The following PLXNC1 variants were observed in gnomAD, a reference collection of about 807,000 sequenced individuals.
The protein encoded by PLXNC1 is plexin C1.
In PLXNC1, 75 loss-of-function variants were observed where a neutral mutation model predicts 178.2. The observed-to-expected ratio is 0.42, with a 90% CI of 0.35 to 0.51. PLXNC1 has a LOEUF of 0.51. Ranked by LOEUF, PLXNC1 falls within the 20% of genes least tolerant of loss-of-function variation. The pLI, the probability that PLXNC1 is intolerant of heterozygous loss-of-function variation, is 0.02. For missense variants in PLXNC1, 1,503 were observed against 1,984.4 expected (o/e 0.76, Z 4.61); for synonymous variants, 790 against 779.9 (o/e 1.01, Z -0.22).
At chr12:94,226,521 T>A in intron 7 of PLXNC1, 84 bp from the exon 8 acceptor site, 1 of 880,784 alleles carries the variant, frequency 1.1e-6, no homozygotes, top group Non-Finnish European at 1.9e-6. Flanking sequence ...TTTAAATGCT[T>A]GCATGCCACA....
intron 5 of PLXNC1, among the ~76,000 whole-genome samples, chr12:94,219,391 G>T (rs760952544): frequency 5.3e-5 from 8 of 152,202 alleles, no homozygotes; most frequent in Non-Finnish European, 1.2e-4. Flanking sequence ...TCTGGATAAA[G>T]TTGGACCCTT....
At chr12:94,255,129 C>T (rs905907245) in intron 16 of PLXNC1, 64 bp from the exon 17 acceptor site, 9 of 1,266,346 alleles carry the variant, frequency 7.1e-6, no homozygotes, top group Admixed American at 1.7e-5. Flanking sequence ...TTAGACAAAA[C>T]AGCAGAAGAT....
rs766192353 is a variant in PLXNC1 at position 94,240,628 on chromosome 12, A to T, written c.2264A>T (p.His755Leu). Residue 755 changes from histidine to leucine, a missense_variant, in exon 11 of 31, where the codon CAT becomes CTT. This residue lies in a region of PLXNC1 where 639 missense variants were observed against 979.7 expected (regional missense o/e 0.65). Transcript: ENST00000258526. ...TCCTTATCCTACATTGCTCTGCCAC[A>T]TTGTTCCCTTATATTTCCTGCTACC... ...VGSLSYIALP[H>L]CSLIFPATTW... 1 of 1,613,780 alleles carries T rather than the reference A, an allele frequency of 6.2e-7. No homozygotes were observed. Among genetic ancestry groups the T allele is most frequent in the South Asian group, 1.1e-5 (1 of 91,048 alleles).
intron 1 of PLXNC1, among the ~76,000 whole-genome samples, chr12:94,166,167 G>A (rs1452474048): frequency 6.6e-6 from 1 of 152,084 alleles, no homozygotes; most frequent in African/African-American, 2.4e-5. Context: ...ACTGCCATGG[G>A]TGTGGCAGTA....
At chr12:94,237,038 T>C (rs1317250662) in intron 9 of PLXNC1, among the ~76,000 whole-genome samples, 2 of 152,118 alleles carry the variant, frequency 1.3e-5, no homozygotes, top group Admixed American at 1.3e-4. Context: ...CCTGATAAAG[T>C]CTATTGAAAC....
intron 7 of PLXNC1, among the ~76,000 whole-genome samples, chr12:94,224,519 G>T (rs138230357): frequency 6.6e-6 from 1 of 152,178 alleles, no homozygotes; most frequent in African/African-American, 2.4e-5. Flanking sequence ...AGCTGGCGCT[G>T]CGAGGGAGAG....
At chr12:94,179,769 G>T (rs966761671) in intron 2 of PLXNC1, among the ~76,000 whole-genome samples, 1 of 151,066 alleles carries the variant, frequency 6.6e-6, no homozygotes, top group African/African-American at 2.4e-5. Flanking sequence ...AAATGACATG[G>T]TCCCTGCGCA....
intron 7 of PLXNC1, among the ~76,000 whole-genome samples, chr12:94,224,742 C>CA (rs1455925201): frequency 4.0e-5 from 6 of 151,796 alleles, no homozygotes; most frequent in Admixed American, 6.6e-5. Context: ...GCCATCGCTA[C>CA]AAAAAAACAC....
chr12:94,213,434 G>A (rs1963552177), intron 5 of PLXNC1, among the ~76,000 whole-genome samples: 1 of 152,124 alleles, frequency 6.6e-6, no homozygotes, highest in African/African-American at 2.4e-5. Context: ...TATGTCTGTT[G>A]GCTGCATAAA....
chr12:94,235,995 G>C (rs1279799410), intron 9 of PLXNC1, among the ~76,000 whole-genome samples: 1 of 152,088 alleles, frequency 6.6e-6, no homozygotes, highest in Non-Finnish European at 1.5e-5. Context: ...TAAGCCTTTT[G>C]CTATATAACA....
intron 5 of PLXNC1, among the ~76,000 whole-genome samples, chr12:94,211,316 G>A (rs891602462): frequency 6.6e-6 from 1 of 152,166 alleles, no homozygotes; most frequent in Non-Finnish European, 1.5e-5. Flanking sequence ...TAAGAAGTTC[G>A]TAATTTGACT....
chr12:94,248,471 G>A lies in PLXNC1; in HGVS notation c.2778+59G>A, dbSNP rs1014248200. Reference sequence around the variant, plus strand: ...ACCTGATTTTTGTGATAATTCCTTGGCTAAACCAGAGGCCAGAATGGAATC... The same window carrying A: ...ACCTGATTTTTGTGATAATTCCTTGACTAAACCAGAGGCCAGAATGGAATC... On this transcript the variant is annotated intron_variant, in intron 14 of 30. Transcript: ENST00000258526. 1.8e-5 allele frequency: 23 copies of A among 1,298,576 alleles called. No homozygotes were observed. In the African/African-American group the frequency reaches 1.9e-4, roughly 11 times the overall value. The allele number at this position is 1,298,576 out of a possible 1,614,324, so 80.4% of individuals were successfully genotyped here.
intron 5 of PLXNC1, among the ~76,000 whole-genome samples, chr12:94,212,722 C>CTTT (rs538048142): frequency 7.3e-6 from 1 of 136,164 alleles, no homozygotes; most frequent in Non-Finnish European, 1.6e-5. Context: ...CTTTTCTTTT[C>CTTT]TTTTTTTTTT....
At chr12:94,261,122 A>C (rs1012002292) in intron 20 of PLXNC1, among the ~76,000 whole-genome samples, 6 of 151,578 alleles carry the variant, frequency 4.0e-5, no homozygotes, top group Non-Finnish European at 8.8e-5. Flanking sequence ...CAGTCAGCCC[A>C]TTTAAGAAAA....
chr12:94,224,986 AG>A (rs926682468), intron 7 of PLXNC1, among the ~76,000 whole-genome samples: 17 of 152,310 alleles, frequency 1.1e-4, no homozygotes, highest in African/African-American at 4.1e-4. Context: ...CCTTGAGTGT[AG>A]GGGTAAAAAG....
intron 4 of PLXNC1, among the ~76,000 whole-genome samples, chr12:94,200,801 A>C (rs1963092392): frequency 6.6e-6 from 1 of 152,218 alleles, no homozygotes; most frequent in Admixed American, 6.5e-5. Context: ...AAAGAACCAC[A>C]TGGAGCAAAG....
chr12:94,265,890 G>A (rs896723579), intron 21 of PLXNC1, among the ~76,000 whole-genome samples: 9 of 152,070 alleles, frequency 5.9e-5, no homozygotes, highest in African/African-American at 2.2e-4. Flanking sequence ...AGAAAGCCCA[G>A]TTTGGGGCAC....
chr12:94,272,844 C>G (rs568023934), intron 21 of PLXNC1, among the ~76,000 whole-genome samples: 3 of 152,198 alleles, frequency 2.0e-5, no homozygotes, highest in Non-Finnish European at 4.4e-5. Flanking sequence ...CTGTGGGGTT[C>G]AATATCAAGC....
Position 94,297,303 on chromosome 12 carries a change from G to A in PLXNC1, c.3967-13G>A. On this transcript the variant is annotated splice_polypyrimidine_tract_variant and intron_variant, in intron 25 of 30. Coordinates refer to ENST00000258526, the MANE Select transcript of PLXNC1 (RefSeq NM_005761.3). ...GGTCTCCTTGGGTAACGCTTCTGCT[G>A]TCTTCCCTTCAGATTTTACCAGATT... 1.9e-6 allele frequency: 3 copies of A among 1,612,930 alleles called. No homozygotes were observed. Among genetic ancestry groups the A allele is most frequent in the Non-Finnish European group, 2.5e-6 (3 of 1,178,926 alleles).
Sources: gnomAD v4.1 joint callset for allele counts (sites outside exome capture counted in the v4.1 genomes callset) on GRCh38, gnomAD v4.1.1 for gene constraint, gnomAD v4.1.1 regional missense constraint, MANE v1.5 for transcripts, NCBI Gene and HGNC (gene_info 2026-07-23, HGNC 2026-07-21) for gene names.